The following LRMDA variants were observed in gnomAD, a reference collection of about 807,000 sequenced individuals.
LRMDA encodes the protein leucine-rich melanocyte differentiation-associated protein.
A neutral mutation model predicts 29.8 loss-of-function variants in LRMDA; 18 were observed. The ratio of observed to expected loss-of-function variants is 0.60; its 90% CI spans 0.42 to 0.90. LRMDA has a LOEUF of 0.90. LRMDA is among the 40% of genes least tolerant of loss of function. The pLI, the probability that LRMDA is intolerant of heterozygous loss-of-function variation, is 0.00. For missense variants in LRMDA, 273 were observed against 273.9 expected (o/e 1.00, Z 0.02); for synonymous variants, 125 against 109.4 (o/e 1.14, Z -0.89).
At chr10:75,690,990 T>TACACACACACAC (rs748067102) in intron 2 of LRMDA, among the ~76,000 whole-genome samples, 2 of 92,006 alleles carry the variant, frequency 2.2e-5, no homozygotes, top group African/African-American at 1.0e-4. Context: ...TATATATATA[T>TACACACACACAC]ATATACACAC....
At chr10:75,770,865 T>C (rs1328067107) in intron 2 of LRMDA, among the ~76,000 whole-genome samples, 1 of 152,136 alleles carries the variant, frequency 6.6e-6, no homozygotes, top group Non-Finnish European at 1.5e-5. Context: ...GTGAGTTCTA[T>C]GGAGTTGTCA....
chr10:75,664,478 G>C (rs1391684226), intron 2 of LRMDA, among the ~76,000 whole-genome samples: 1 of 152,164 alleles, frequency 6.6e-6, no homozygotes, highest in Non-Finnish European at 1.5e-5. Context: ...TTCTAAAAGA[G>C]CACACAGTGA....
intron 6 of LRMDA, chr10:76,556,525 T>A (rs188498934): frequency 0.015 from 2,275 of 152,194 alleles, 21 homozygotes; most frequent in South Asian, 0.047. Context: ...CTAATTTTTT[T>A]AATATTTTTA....
chr10:76,109,952 G>T (rs977038736), intron 5 of LRMDA, among the ~76,000 whole-genome samples: 2 of 152,016 alleles, frequency 1.3e-5, no homozygotes, highest in East Asian at 3.9e-4. Context: ...TCAGCCCAAG[G>T]ACCTCTCTTC....
At chr10:76,163,616 T>C (rs1850686503) in intron 5 of LRMDA, among the ~76,000 whole-genome samples, 1 of 152,188 alleles carries the variant, frequency 6.6e-6, no homozygotes, top group African/African-American at 2.4e-5. Flanking sequence ...TAGACCCTTG[T>C]TGCTTTAAGG....
chr10:75,611,087 CAG>C (rs1422608300), intron 2 of LRMDA, among the ~76,000 whole-genome samples: 19 of 152,082 alleles, frequency 1.2e-4, no homozygotes, highest in Admixed American at 9.8e-4. Context: ...GGCACTCAGA[CAG>C]GGGGAGCACA....
chr10:75,814,003 G>C (rs1390938440), intron 2 of LRMDA, among the ~76,000 whole-genome samples: 1 of 152,242 alleles, frequency 6.6e-6, no homozygotes, highest in Non-Finnish European at 1.5e-5. Flanking sequence ...GGAAAGCATT[G>C]TAATTCTTGA....
At chr10:76,201,192 G>A (rs1444599148) in intron 5 of LRMDA, among the ~76,000 whole-genome samples, 1 of 151,262 alleles carries the variant, frequency 6.6e-6, no homozygotes, top group Admixed American at 6.6e-5. Flanking sequence ...TACCTCCTGG[G>A]TACAAGCGAT....
rs547636451 is a variant in LRMDA, at chr10:75,600,090, T to C, written c.131+161596T>C. On this transcript the variant is annotated intron_variant, in intron 2 of 6. Coordinates refer to ENST00000611255, the MANE Select transcript of LRMDA (RefSeq NM_001305581.2). ...AATTACTTTACTTAAGGTCACAGAG[T>C]AAGTCAGGCACTAGGTCTGCCAGTG... is the stretch of plus-strand genomic sequence containing the variant. Among the ~76,000 whole-genome samples the C allele has an allele frequency of 2.6e-5, 4 of 152,252 alleles. No homozygotes were observed. The East Asian group carries it at 7.7e-4, about 29-fold the overall frequency.
At chr10:76,070,233 G>A (rs1298309261) in intron 5 of LRMDA, among the ~76,000 whole-genome samples, 1 of 152,232 alleles carries the variant, frequency 6.6e-6, no homozygotes, top group Non-Finnish European at 1.5e-5. Context: ...GTGGGTGAAT[G>A]TGAGGAAGGT....
chr10:75,525,672 A>G (rs574169368), intron 2 of LRMDA, among the ~76,000 whole-genome samples: 72 of 147,382 alleles, frequency 4.9e-4, no homozygotes, highest in Middle Eastern at 3.5e-3. Context: ...AAAATAATAT[A>G]GTTCATTACA....
intron 2 of LRMDA, among the ~76,000 whole-genome samples, chr10:75,821,873 C>A (rs142689806): frequency 6.6e-6 from 1 of 152,072 alleles, no homozygotes; most frequent in Non-Finnish European, 1.5e-5. Context: ...AAACCCAGAG[C>A]CAACATGATA....
At chr10:75,841,225 G>A (rs1844535631) in intron 2 of LRMDA, among the ~76,000 whole-genome samples, 1 of 152,232 alleles carries the variant, frequency 6.6e-6, no homozygotes, top group Admixed American at 6.5e-5. Flanking sequence ...TGTTGGATGT[G>A]TTTTAATCAT....
chr10:76,049,960 A>G (rs1848501930), intron 4 of LRMDA, among the ~76,000 whole-genome samples: 1 of 152,206 alleles, frequency 6.6e-6, no homozygotes, highest in Non-Finnish European at 1.5e-5. Flanking sequence ...TATGTCTTCT[A>G]TTAATCATTT....
At chr10:75,559,037 GTA>G (rs1171564144) in intron 2 of LRMDA, among the ~76,000 whole-genome samples, 5 of 150,604 alleles carry the variant, frequency 3.3e-5, no homozygotes, top group Admixed American at 3.3e-4. Context: ...AGTCCTTTGG[GTA>G]TATACCCAGT....
intron 2 of LRMDA, among the ~76,000 whole-genome samples, chr10:75,454,940 A>G (rs1844499091): frequency 6.6e-6 from 1 of 152,148 alleles, no homozygotes. Flanking sequence ...AGCACAGAAG[A>G]ATGACAGTAG....
At chr10:76,455,181 C>T (rs1197435256) in intron 6 of LRMDA, among the ~76,000 whole-genome samples, 1 of 152,068 alleles carries the variant, frequency 6.6e-6, no homozygotes, top group African/African-American at 2.4e-5. Context: ...CATCTATGGC[C>T]ACCCAGAATT....
intron 2 of LRMDA, among the ~76,000 whole-genome samples, chr10:75,944,768 AT>A (rs1846450672): frequency 1.3e-5 from 2 of 148,724 alleles, no homozygotes; most frequent in South Asian, 4.2e-4. Context: ...TAAAATATAT[AT>A]GTATATTTTA....
rs781718433 is a variant in LRMDA at position 76,036,125 on chromosome 10, C to A, written c.249C>A (p.Asn83Lys). Reference protein sequence around the residue: ...GLPRLHTLTLNKNRITDLENL... With the variant: ...GLPRLHTLTLKKNRITDLENL... ...CCAGACTGCATACCTTAACCCTCAA[C>A]AAGAACCGAATATCCTTTCCTCTGC... Residue 83 changes from asparagine (N) to lysine (K), a missense_variant, in exon 3 of 7, where the codon AAC becomes AAA. By Grantham distance (94) the Asn-to-Lys change is moderately conservative. Transcript: ENST00000611255. 3.1e-6 allele frequency: 5 copies of A among 1,613,582 alleles called. No individual in the cohort carries two copies. The highest frequency in any genetic ancestry group is 4.2e-6 in the Non-Finnish European group (5 of 1,179,960).
Sources: gnomAD v4.1 joint callset for allele counts (sites outside exome capture counted in the v4.1 genomes callset) on GRCh38, gnomAD v4.1.1 for gene constraint, MANE v1.5 for transcripts, NCBI Gene and HGNC (gene_info 2026-07-23, HGNC 2026-07-21) for gene names.